The following TMED7 variants were observed in gnomAD, a reference collection of about 807,000 sequenced individuals.
TMED7 encodes the protein transmembrane emp24 domain-containing protein 7.
Under a neutral mutation model 23.4 loss-of-function variants are expected in TMED7, and 8 were observed. The observed-to-expected ratio is 0.34, with a 90% CI of 0.20 to 0.62. The LOEUF (loss-of-function observed/expected upper bound fraction) is 0.62. Ranked by LOEUF, TMED7 falls within the 20% of genes least tolerant of loss-of-function variation. The pLI is 0.77. For missense variants in TMED7, 232 were observed against 279.1 expected (o/e 0.83, Z 1.20); for synonymous variants, 121 against 108.5 (o/e 1.12, Z -0.72).
chr5:115,625,108 C>G (rs956307472), intron 1 of TMED7, among the ~76,000 whole-genome samples: 2 of 152,254 alleles, frequency 1.3e-5, no homozygotes, highest in African/African-American at 2.4e-5. Context: ...GCAATTCTTT[C>G]TACAACTCCC....
intron 1 of TMED7, among the ~76,000 whole-genome samples, chr5:115,623,361 C>A (rs967074787): frequency 1.3e-5 from 2 of 152,338 alleles, no homozygotes; most frequent in South Asian, 2.1e-4. Context: ...CTAGTCTCAA[C>A]AACAGAGCTC....
Position 115,620,435 on chromosome 5 carries a change from C to A in TMED7, c.438G>T (p.Gln146His). ...PSENRVSALT[Q>H]MESACVSIHE... ...TTATATTGCTGATTTTTTTATTTAC[C>A]TGGGTAAGAGCACTGACTCGGTTCT... Residue 146 changes from glutamine to histidine, a missense_variant and splice_region_variant, in exon 2 of 3, where the codon CAG becomes CAT. Around this residue, in one of 2 missense-constraint regions of TMED7, gnomAD observed 126 missense variants for 182.1 expected, o/e 0.69. Coordinates refer to ENST00000456936, the MANE Select transcript of TMED7 (RefSeq NM_181836.6). 1 of 1,470,276 alleles carries A rather than the reference C, an allele frequency of 6.8e-7. No homozygotes were observed. The highest frequency in any genetic ancestry group is 2.6e-5 in the Admixed American group (1 of 38,014). The allele number at this position is 1,470,276 out of a possible 1,614,324, so 91.1% of individuals were successfully genotyped here.
Position 115,625,891 on chromosome 5 carries a change from CA to C in TMED7, c.-100del. The stretch of plus-strand genomic sequence containing the variant: ...GCAGGCCTCAGCGCAGGCCACCCCG[CA>C]AAGATACACAGCAGAGCAGGTTCAC... On this transcript the variant is annotated 5_prime_UTR_variant, in exon 1 of 3. Transcript: ENST00000456936. The C allele has an allele frequency of 7.6e-7, 1 of 1,308,108 alleles. No homozygotes were observed. Among genetic ancestry groups the C allele is most frequent in the Non-Finnish European group, 9.7e-7 (1 of 1,032,184 alleles). 81.0% of individuals were successfully genotyped at this position (1,308,108 alleles called of 1,614,324 possible).
At position 115,615,237 on chromosome 5, in the gene TMED7, G is replaced by T. The variant is rs1756666930; in HGVS notation, c.*972C>A. 1 of 152,454 alleles carries T rather than the reference G, an allele frequency of 6.6e-6. No homozygotes were observed. 9.4% of individuals were successfully genotyped at this position (152,454 alleles called of 1,614,324 possible). A position where few individuals can be genotyped will look rare whatever the true frequency, so the allele number is the denominator to read the frequency against. ...ACGACAAAAAAAAGAAAAAAGGAGAGCAACTAACTTTTCAGTGCATCACAT... is the reference window on the plus strand; with the variant it reads ...ACGACAAAAAAAAGAAAAAAGGAGATCAACTAACTTTTCAGTGCATCACAT... On this transcript the variant is annotated 3_prime_UTR_variant, in exon 3 of 3. Coordinates refer to ENST00000456936, the MANE Select transcript of TMED7 (RefSeq NM_181836.6).
chr5:115,620,007 G>A (rs1366233576), intron 2 of TMED7: 1 of 152,732 alleles, frequency 6.5e-6, no homozygotes, highest in African/African-American at 2.4e-5. Flanking sequence ...ACTAAGTAAT[G>A]GTATAAAGGC....
At chr5:115,618,019 A>G (rs1756855491) in intron 2 of TMED7, among the ~76,000 whole-genome samples, 1 of 152,096 alleles carries the variant, frequency 6.6e-6, no homozygotes, top group Non-Finnish European at 1.5e-5. Context: ...GTCTCTAACT[A>G]CTGACCTCAT....
chr5:115,621,620 T>C (rs1450241178), intron 1 of TMED7, among the ~76,000 whole-genome samples: 1 of 152,104 alleles, frequency 6.6e-6, no homozygotes, highest in African/African-American at 2.4e-5. Flanking sequence ...ATTTGGGTTG[T>C]ACAGAGGAGG....
At position 115,625,626 on chromosome 5, in the gene TMED7, C is replaced by T. The variant is rs1248525533; in HGVS notation, c.167G>A (p.Gly56Asp). 3.1e-6 allele frequency: 5 copies of T among 1,597,828 alleles called. No homozygotes were observed. The highest frequency in any genetic ancestry group is 2.7e-5 in the African/African-American group (2 of 73,474). The part of the protein sequence containing the change: ...KQCFYEDIAQ[G>D]TKCTLEFQVI... ...CTGGAACTCCAGGGTGCACTTGGTGCCCTGAGCGATGTCCTCGTAGAAGCA... is the reference window on the plus strand; with the variant it reads ...CTGGAACTCCAGGGTGCACTTGGTGTCCTGAGCGATGTCCTCGTAGAAGCA... The change falls in exon 1 of 3, where the codon GGC (glycine) becomes GAC (aspartate). Residue 56 changes from glycine (G) to aspartate (D), a missense_variant. This residue lies in a region of TMED7 where 106 missense variants were observed against 97.0 expected (regional missense o/e 1.09). Transcript: ENST00000456936.
chr5:115,620,745 A>G (rs998884981), intron 1 of TMED7, 65 bp from the exon 2 acceptor site: 22 of 1,320,492 alleles, frequency 1.7e-5, no homozygotes, highest in Middle Eastern at 2.8e-4. Context: ...ATTTAATCAG[A>G]TTTCCTATTA....
At position 115,614,335 on chromosome 5, in the gene TMED7, T is replaced by G. The variant is rs1756602145; in HGVS notation, c.*1874A>C. 1 of 152,478 alleles carries G rather than the reference T, an allele frequency of 6.6e-6. No individual in the cohort carries two copies. The highest frequency in any genetic ancestry group is 6.6e-5 in the Admixed American group (1 of 15,266). 9.4% of individuals were successfully genotyped at this position (152,478 alleles called of 1,614,324 possible). On this transcript the variant is annotated 3_prime_UTR_variant, in exon 3 of 3. Coordinates refer to ENST00000456936, the MANE Select transcript of TMED7 (RefSeq NM_181836.6). Reference sequence around the variant, plus strand: ...TTTTGAGAGGCACAGATTAAATGAGTGCACTATCTATGCCAAACTCAGCAA... The same window carrying G: ...TTTTGAGAGGCACAGATTAAATGAGGGCACTATCTATGCCAAACTCAGCAA...
rs1358287858 is a variant in TMED7 at position 115,615,977 on chromosome 5, G to A, written c.*232C>T. ...CAACTGCGAACAGAGTAGATCATTGGTGTTGAATATTTAACATGAATAGCC... is the reference window on the plus strand; with the variant it reads ...CAACTGCGAACAGAGTAGATCATTGATGTTGAATATTTAACATGAATAGCC... On this transcript the variant is annotated 3_prime_UTR_variant, in exon 3 of 3. Coordinates refer to ENST00000456936, the MANE Select transcript of TMED7 (RefSeq NM_181836.6). The A allele has an allele frequency of 3.4e-5, 19 of 555,318 alleles. No individual in the cohort carries two copies. The highest frequency in any genetic ancestry group is 6.1e-5 in the Non-Finnish European group (19 of 310,546). 34.4% of individuals were successfully genotyped at this position (555,318 alleles called of 1,614,324 possible).
At chr5:115,619,739 T>C (rs1756952956) in intron 2 of TMED7, among the ~76,000 whole-genome samples, 1 of 152,134 alleles carries the variant, frequency 6.6e-6, no homozygotes, top group Non-Finnish European at 1.5e-5. Flanking sequence ...TCCACTTGTG[T>C]CATCAGGTTG....
At chr5:115,624,268 A>C (rs534437117) in intron 1 of TMED7, among the ~76,000 whole-genome samples, 2 of 152,268 alleles carry the variant, frequency 1.3e-5, no homozygotes, top group South Asian at 4.1e-4. Context: ...AGTAAGCCTA[A>C]GGGTCATCCT....
Position 115,620,597 on chromosome 5 carries a change from C to T in TMED7, c.276G>A (p.Gln92=). Residue 92 remains glutamine, a synonymous_variant, in exon 2 of 3, where the codon CAG becomes CAA. Coordinates refer to ENST00000456936, the MANE Select transcript of TMED7 (RefSeq NM_181836.6). The part of the protein sequence containing the change: ...GKVLYKEMKK[Q]YDSFTFTASK... The stretch of plus-strand genomic sequence containing the variant: ...AGGCTGTGAAGGTAAAACTATCATA[C>T]TGTTTCTTCATCTCTTTGTATAACA... 1 of 1,603,512 alleles carries T rather than the reference C, an allele frequency of 6.2e-7. No individual in the cohort carries two copies.
At position 115,616,046 on chromosome 5, in the gene TMED7, G is replaced by C. The variant is rs1756724491; in HGVS notation, c.*163C>G. The C allele has an allele frequency of 1.4e-6, 1 of 706,852 alleles. No homozygotes were observed. Among genetic ancestry groups the C allele is most frequent in the African/African-American group, 1.8e-5 (1 of 55,534 alleles). The allele number at this position is 706,852 out of a possible 1,614,324, so 43.8% of individuals were successfully genotyped here. ...TTTTCCACCTTTACAAATAAAAAAA[G>C]GTGTCCTTTCCACAGTTTGGGAATA... On this transcript the variant is annotated 3_prime_UTR_variant, in exon 3 of 3. Coordinates refer to ENST00000456936, the MANE Select transcript of TMED7 (RefSeq NM_181836.6).
chr5:115,620,173 G>A (rs1034749085), intron 2 of TMED7: 17 of 311,078 alleles, frequency 5.5e-5, no homozygotes, highest in Non-Finnish European at 8.0e-5. Context: ...TTTTACCACT[G>A]ATGTTTCTAC....
intron 2 of TMED7, chr5:115,619,163 C>G (rs1756918608): frequency 6.6e-6 from 1 of 152,098 alleles, no homozygotes; most frequent in Admixed American, 6.5e-5. Flanking sequence ...CCACCTTATA[C>G]AAGTTAAAAT....
At chr5:115,618,110 A>C (rs1756861369) in intron 2 of TMED7, among the ~76,000 whole-genome samples, 1 of 152,218 alleles carries the variant, frequency 6.6e-6, no homozygotes, top group South Asian at 2.1e-4. Context: ...GATTTTTAAA[A>C]AACTTTTACA....
chr5:115,616,026 C>T lies in TMED7; in HGVS notation c.*183G>A, dbSNP rs1232111294. Reference sequence around the variant, plus strand: ...CCCAAAATGAGTTCCAAAGTTTTTCCACCTTTACAAATAAAAAAAGGTGTC... The same window carrying T: ...CCCAAAATGAGTTCCAAAGTTTTTCTACCTTTACAAATAAAAAAAGGTGTC... On this transcript the variant is annotated 3_prime_UTR_variant, in exon 3 of 3. Coordinates refer to ENST00000456936, the MANE Select transcript of TMED7 (RefSeq NM_181836.6). The T allele has an allele frequency of 2.2e-5, 14 of 644,662 alleles. No homozygotes were observed. In the East Asian group the frequency reaches 3.0e-4, roughly 14 times the overall value. The allele number at this position is 644,662 out of a possible 1,614,324, so 39.9% of individuals were successfully genotyped here.
Sources: gnomAD v4.1 joint callset for allele counts (sites outside exome capture counted in the v4.1 genomes callset) on GRCh38, gnomAD v4.1.1 for gene constraint, gnomAD v4.1.1 regional missense constraint, MANE v1.5 for transcripts, NCBI Gene and HGNC (gene_info 2026-07-23, HGNC 2026-07-21) for gene names.